CEMIP: variants seen among roughly 807,000 people sequenced by gnomAD.
CEMIP encodes the protein cell migration-inducing and hyaluronan-binding protein.
CEMIP carries 105 observed loss-of-function variants against 156.9 expected under a neutral mutation model. The observed-to-expected ratio is 0.67, with a 90% CI of 0.57 to 0.79. CEMIP has a LOEUF of 0.79. CEMIP is among the 30% of genes least tolerant of loss of function. The pLI is 0.00. For missense variants in CEMIP, 1,457 were observed against 1,769.4 expected, an observed-to-expected ratio of 0.82 and a Z score of 3.17; for synonymous variants, 676 against 668.4, an observed-to-expected ratio of 1.01 and a Z score of -0.17.
chr15:80,884,060 C>G (rs1898751257), intron 6 of CEMIP, 115 bp from the exon 7 acceptor site: 5 of 1,031,578 alleles, frequency 4.8e-6, no homozygotes, highest in African/African-American at 4.8e-5. Context: ...TTAAGAATCA[C>G]AGCCCTGGGA....
chr15:80,841,850 C>G (rs1016326688), intron 1 of CEMIP: 3 of 236,618 alleles, frequency 1.3e-5, no homozygotes, highest in African/African-American at 7.2e-5. Context: ...AACGCCTTCC[C>G]TAACTGGCCA....
chr15:80,845,172 C>T (rs12595345), intron 1 of CEMIP, among the ~76,000 whole-genome samples: 103,900 of 152,024 alleles, frequency 0.68, 36,257 homozygotes, highest in Middle Eastern at 0.79. Flanking sequence ...ATATTGAGGC[C>T]GGGTGTGATG....
At chr15:80,819,527 A>T (rs1292289459) in intron 1 of CEMIP, among the ~76,000 whole-genome samples, 2 of 152,220 alleles carry the variant, frequency 1.3e-5, no homozygotes, top group African/African-American at 4.8e-5. Context: ...TGTGACCTGG[A>T]ATGGGAACAT....
Position 80,949,322 on chromosome 15 carries a change from C to T in CEMIP, c.*398C>T. 1 of 342,824 alleles carries T rather than the reference C, an allele frequency of 2.9e-6. No individual in the cohort carries two copies. Among genetic ancestry groups the T allele is most frequent in the South Asian group, 2.4e-5 (1 of 40,962 alleles). 21.2% of individuals were successfully genotyped at this position (342,824 alleles called of 1,614,324 possible). ...TCTGGAGGGCTGGTCATTCACAGAT[C>T]CCCATGGTCTTCAGCAGACAAGTGA... On this transcript the variant is annotated 3_prime_UTR_variant, in exon 30 of 30. Coordinates refer to ENST00000394685, the MANE Select transcript of CEMIP (RefSeq NM_001293298.2).
chr15:80,945,656 G>A (rs947320936), intron 28 of CEMIP, among the ~76,000 whole-genome samples: 2 of 152,168 alleles, frequency 1.3e-5, no homozygotes, highest in Admixed American at 6.5e-5. Flanking sequence ...TGTTCCCAGT[G>A]GGACACAAAT....
At chr15:80,811,435 C>G (rs537168907) in intron 1 of CEMIP, among the ~76,000 whole-genome samples, 1 of 152,306 alleles carries the variant, frequency 6.6e-6, no homozygotes, top group South Asian at 2.1e-4. Context: ...TGATTTTGCT[C>G]TCTTCTGGAC....
intron 21 of CEMIP, among the ~76,000 whole-genome samples, chr15:80,931,398 C>G (rs1318196150): frequency 6.6e-6 from 1 of 152,164 alleles, no homozygotes; most frequent in Non-Finnish European, 1.5e-5. Flanking sequence ...GCAACTAAAA[C>G]TAAGGCGATA....
At chr15:80,782,630 TGTGA>T (rs139273333) in intron 1 of CEMIP, among the ~76,000 whole-genome samples, 1,772 of 152,316 alleles carry the variant, frequency 0.012, 30 homozygotes, top group African/African-American at 0.041. Context: ...TGTGCGTGCA[TGTGA>T]GTGTTTTTAT....
intron 1 of CEMIP, among the ~76,000 whole-genome samples, chr15:80,807,840 T>C (rs1896552662): frequency 6.6e-6 from 1 of 152,254 alleles, no homozygotes; most frequent in Admixed American, 6.5e-5. Flanking sequence ...GGGTAGTTTA[T>C]AGGTTGCTGA....
At chr15:80,945,537 C>A (rs1023823917) in intron 28 of CEMIP, among the ~76,000 whole-genome samples, 10 of 152,316 alleles carry the variant, frequency 6.6e-5, no homozygotes, top group Non-Finnish European at 1.0e-4. Flanking sequence ...CCCTACCAAC[C>A]CTTTGGGCCT....
intron 15 of CEMIP, 93 bp from the exon 16 acceptor site, chr15:80,920,939 C>A: frequency 1.1e-6 from 1 of 948,846 alleles, no homozygotes; most frequent in Non-Finnish European, 1.7e-6. Flanking sequence ...ACTATCAGGC[C>A]AATATCAGAG....
At chr15:80,870,934 G>T (rs1253411829) in intron 1 of CEMIP, among the ~76,000 whole-genome samples, 1 of 152,180 alleles carries the variant, frequency 6.6e-6, no homozygotes, top group Non-Finnish European at 1.5e-5. Context: ...CTAACCCAGT[G>T]AGGACAGCGG....
At chr15:80,946,479 TTA>T in intron 28 of CEMIP, 2 of 172,296 alleles carry the variant, frequency 1.2e-5, no homozygotes, top group South Asian at 2.9e-4. Flanking sequence ...CTGGATGGTT[TTA>T]TGATTTGACA....
intron 1 of CEMIP, among the ~76,000 whole-genome samples, chr15:80,795,754 C>T (rs1272795058): frequency 2.0e-5 from 3 of 151,926 alleles, no homozygotes. Flanking sequence ...GGCAACACAG[C>T]AAGACCCCCA....
Position 80,878,859 on chromosome 15 carries a change from CAGAG to C in CEMIP, c.234_237del (p.Gly80AlafsTer20). On this transcript the variant is annotated frameshift_variant, in exon 4 of 30. Transcript: ENST00000394685. LOFTEE classifies it high-confidence loss of function. ...GCCACGGTCTATTCCATCCACATCT[CAGAG>C]GGAGGTAAGCCAATCTCTCTCTGCT... 1 of 1,614,198 alleles carries C rather than the reference CAGAG, an allele frequency of 6.2e-7. No individual in the cohort carries two copies. The highest frequency in any genetic ancestry group is 1.6e-4 in the Middle Eastern group (1 of 6,062).
rs188528041 is a variant in CEMIP at position 80,924,072 on chromosome 15, A to T, written c.2203-549A>T. Among the ~76,000 whole-genome samples the T allele has an allele frequency of 5.3e-5, 8 of 152,334 alleles. No homozygotes were observed. The East Asian group carries it at 1.5e-3, about 29-fold the overall frequency. ...GTGGCCTCCCTGGGCAGCATCACTC[A>T]GCTGCCTTGATTTCTCCCTATCCCA... is the stretch of plus-strand genomic sequence containing the variant. On this transcript the variant is annotated intron_variant, in intron 17 of 29. Transcript: ENST00000394685.
chr15:80,921,155 G>T, intron 16 of CEMIP, 54 bp downstream of exon 16: 1 of 1,504,038 alleles, frequency 6.6e-7, no homozygotes, highest in East Asian at 2.3e-5. Context: ...GCTGGAGTCA[G>T]GGAGACAGCC....
chr15:80,876,030 G>A (rs542806042), intron 3 of CEMIP, among the ~76,000 whole-genome samples: 1 of 152,362 alleles, frequency 6.6e-6, no homozygotes, highest in Non-Finnish European at 1.5e-5. Context: ...AGAACAGTCA[G>A]GATTGTCCTG....
chr15:80,820,384 T>A (rs1440444196), intron 1 of CEMIP, among the ~76,000 whole-genome samples: 1 of 152,204 alleles, frequency 6.6e-6, no homozygotes, highest in Non-Finnish European at 1.5e-5. Flanking sequence ...TAGCATAGTG[T>A]ATCCTTTATA....
Sources: gnomAD v4.1 joint callset for allele counts (sites outside exome capture counted in the v4.1 genomes callset) on GRCh38, gnomAD v4.1.1 for gene constraint, MANE v1.5 for transcripts, NCBI Gene and HGNC (gene_info 2026-07-23, HGNC 2026-07-21) for gene names.